The following SYN2 variants were observed in gnomAD, a reference collection of about 807,000 sequenced individuals.
The protein encoded by SYN2 is synapsin II.
SYN2 carries 19 observed loss-of-function variants against 50.9 expected under a neutral mutation model. The ratio of observed to expected loss-of-function variants is 0.37; its 90% confidence interval spans 0.26 to 0.55. The LOEUF is 0.55. Among genes scored for constraint, SYN2 ranks in the 20% least tolerant of loss-of-function variants. The pLI is 0.81. For synonymous variants in SYN2, 255 were observed against 224.9 expected (o/e 1.13, Z -1.20); for missense variants, 587 against 576.4 (o/e 1.02, Z -0.19).
chr3:12,027,547 T>C (rs1381530351), intron 1 of SYN2, among the ~76,000 whole-genome samples: 3 of 152,184 alleles, frequency 2.0e-5, no homozygotes, highest in Non-Finnish European at 4.4e-5. Context: ...GCTTCATCCA[T>C]TTTACAAAAC....
At chr3:12,109,572 G>A (rs959117304) in intron 1 of SYN2, among the ~76,000 whole-genome samples, 4 of 152,138 alleles carry the variant, frequency 2.6e-5, no homozygotes, top group Admixed American at 6.5e-5. Flanking sequence ...TTTAGTTAGC[G>A]CTCAGTAAAT....
chr3:12,125,394 T>C (rs934233245), intron 1 of SYN2, among the ~76,000 whole-genome samples: 3 of 152,230 alleles, frequency 2.0e-5, no homozygotes, highest in African/African-American at 7.2e-5. Flanking sequence ...TTAAAATTTA[T>C]AACTTTGAAG....
chr3:12,070,447 T>C, intron 1 of SYN2: 3 of 565,078 alleles, frequency 5.3e-6, no homozygotes, highest in East Asian at 4.6e-5. Flanking sequence ...TCTGACCCCA[T>C]TGAGCGTGGC....
At chr3:12,042,608 G>A (rs1559396458) in intron 1 of SYN2, among the ~76,000 whole-genome samples, 1 of 152,212 alleles carries the variant, frequency 6.6e-6, no homozygotes, top group Non-Finnish European at 1.5e-5. Flanking sequence ...GGGTTGAATA[G>A]TGTTCCTTTC....
At chr3:12,180,299 T>G (rs997042941) in intron 10 of SYN2, among the ~76,000 whole-genome samples, 1 of 152,100 alleles carries the variant, frequency 6.6e-6, no homozygotes, top group East Asian at 1.9e-4. Flanking sequence ...TTCCGTTTTG[T>G]GTACAGCTAG....
At chr3:12,094,902 T>C (rs1695897947) in intron 1 of SYN2, among the ~76,000 whole-genome samples, 1 of 152,206 alleles carries the variant, frequency 6.6e-6, no homozygotes, top group African/African-American at 2.4e-5. Flanking sequence ...TTTAATTATA[T>C]GTTGAATAGG....
At chr3:12,161,660 T>C (rs1697652633) in intron 6 of SYN2, 52 bp downstream of exon 6, 1 of 1,596,250 alleles carries the variant, frequency 6.3e-7, no homozygotes, top group Non-Finnish European at 8.6e-7. Flanking sequence ...AAGGGCAGTT[T>C]TCAGAGCGCC....
intron 1 of SYN2, among the ~76,000 whole-genome samples, chr3:12,058,013 A>G (rs1695032890): frequency 2.0e-5 from 3 of 152,148 alleles, no homozygotes; most frequent in Admixed American, 2.0e-4. Flanking sequence ...ACCCTTCTCC[A>G]TCAGAATCTA....
chr3:12,048,415 G>A (rs375939626), intron 1 of SYN2, among the ~76,000 whole-genome samples: 77 of 152,334 alleles, frequency 5.1e-4, no homozygotes, highest in African/African-American at 1.7e-3. Context: ...TGATCCACCT[G>A]CTTTGGCCTC....
At chr3:12,010,401 G>C (rs746378651) in intron 1 of SYN2, among the ~76,000 whole-genome samples, 1 of 152,182 alleles carries the variant, frequency 6.6e-6, no homozygotes, top group Non-Finnish European at 1.5e-5. Context: ...ATTAAACACA[G>C]GCCATGTCTA....
intron 1 of SYN2, among the ~76,000 whole-genome samples, chr3:12,090,097 C>T (rs552348249): frequency 1.1e-3 from 161 of 152,252 alleles, no homozygotes; most frequent in Non-Finnish European, 2.0e-3. Flanking sequence ...CTCCAGGAGA[C>T]ACATTTCTCT....
Position 12,096,049 on chromosome 3 carries a change from A to G in SYN2, c.378-44602A>G, listed in dbSNP as rs558795778. On this transcript the variant is annotated intron_variant, in intron 1 of 12. Transcript: ENST00000621198. The stretch of plus-strand genomic sequence containing the variant: ...GTACAACCATCAACCCAATCAAGCT[A>G]GAACCTTGGGGTCACTTTTGATACC... 6.3e-4 allele frequency among the ~76,000 whole-genome samples: 96 copies of G among 152,288 alleles called. 1 individual carries two copies. In the South Asian group the frequency reaches 0.019, roughly 31 times the overall value.
At chr3:12,153,342 G>A in intron 5 of SYN2, 2 of 712,762 alleles carry the variant, frequency 2.8e-6, no homozygotes, top group Non-Finnish European at 4.8e-6. Flanking sequence ...GCTGAGGGCA[G>A]GGCAGAAAAG....
intron 1 of SYN2, among the ~76,000 whole-genome samples, chr3:12,092,966 T>G (rs547142119): frequency 6.6e-5 from 10 of 152,334 alleles, no homozygotes; most frequent in Admixed American, 3.3e-4. Context: ...GGGGGTTCTC[T>G]GTGACTTCTC....
intron 1 of SYN2, among the ~76,000 whole-genome samples, chr3:12,057,599 T>G (rs1427842132): frequency 1.3e-5 from 2 of 152,178 alleles, no homozygotes; most frequent in Non-Finnish European, 2.9e-5. Context: ...ACAGTTTGAT[T>G]TTAGAAAGTT....
intron 1 of SYN2, among the ~76,000 whole-genome samples, chr3:12,056,679 C>T (rs1694997350): frequency 6.6e-6 from 1 of 152,052 alleles, no homozygotes; most frequent in Non-Finnish European, 1.5e-5. Flanking sequence ...AAATAATTTC[C>T]TCATGGTAAT....
At chr3:12,148,169 C>T (rs556857233) in intron 4 of SYN2, among the ~76,000 whole-genome samples, 35 of 152,174 alleles carry the variant, frequency 2.3e-4, no homozygotes, top group South Asian at 4.2e-4. Context: ...TGCCAGAGGC[C>T]AGGGCAGGAA....
At chr3:12,131,004 C>A (rs1696786737) in intron 1 of SYN2, among the ~76,000 whole-genome samples, 1 of 152,120 alleles carries the variant, frequency 6.6e-6, no homozygotes, top group Non-Finnish European at 1.5e-5. Context: ...GGCACAGGGG[C>A]TGGGAAACTG....
At chr3:12,070,552 C>T (rs1220141979) in intron 1 of SYN2, 3 of 1,090,496 alleles carry the variant, frequency 2.8e-6, no homozygotes, top group African/African-American at 1.6e-5. Flanking sequence ...GTGCTGCTGA[C>T]GGAGGCCCTT....
Sources: gnomAD v4.1 joint callset for allele counts (sites outside exome capture counted in the v4.1 genomes callset) on GRCh38, gnomAD v4.1.1 for gene constraint, MANE v1.5 for transcripts, NCBI Gene and HGNC (gene_info 2026-07-23, HGNC 2026-07-21) for gene names.